Variants in SLC22A23 observed in about 807,000 individuals in gnomAD.
SLC22A23 encodes the protein ion transporter protein.
Under a neutral mutation model 61.0 loss-of-function variants are expected in SLC22A23, and 26 were observed. The ratio of observed to expected loss-of-function variants is 0.43; its 90% CI spans 0.31 to 0.59. SLC22A23 has a LOEUF of 0.59. Ranked by LOEUF, SLC22A23 falls within the 20% of genes least tolerant of loss-of-function variation. The pLI is 0.11. For missense variants in SLC22A23, 796 were observed against 934.7 expected (o/e 0.85, Z 1.94); for synonymous variants, 430 against 413.9 (o/e 1.04, Z -0.47).
chr6:3,423,160 G>A (rs1770261960), intron 1 of SLC22A23, among the ~76,000 whole-genome samples: 1 of 152,042 alleles, frequency 6.6e-6, no homozygotes, highest in Non-Finnish European at 1.5e-5. Flanking sequence ...GGCTTTCCTG[G>A]TTCTCACTGA....
chr6:3,440,430 G>A (rs1445710763), intron 1 of SLC22A23, among the ~76,000 whole-genome samples: 10 of 152,016 alleles, frequency 6.6e-5, no homozygotes, highest in Admixed American at 2.0e-4. Flanking sequence ...ATGAGTGGCC[G>A]GGTGCGGTGG....
chr6:3,432,871 T>A (rs1770958770), intron 1 of SLC22A23, among the ~76,000 whole-genome samples: 1 of 152,216 alleles, frequency 6.6e-6, no homozygotes, highest in African/African-American at 2.4e-5. Flanking sequence ...AACTCATCCC[T>A]GTTGGGAGAT....
At chr6:3,371,596 C>T (rs936840874) in intron 3 of SLC22A23, among the ~76,000 whole-genome samples, 5 of 152,166 alleles carry the variant, frequency 3.3e-5, no homozygotes, top group African/African-American at 1.2e-4. Flanking sequence ...ATTGCCTGAA[C>T]TTCCTGAACC....
intron 5 of SLC22A23, among the ~76,000 whole-genome samples, chr6:3,296,485 G>T (rs59207405): frequency 0.014 from 2,084 of 152,296 alleles, 55 homozygotes; most frequent in African/African-American, 0.047. Flanking sequence ...AATAATACAC[G>T]TGAAGCACTT....
At position 3,285,109 on chromosome 6, in the gene SLC22A23, T is replaced by C. The variant is rs1489546576; in HGVS notation, c.1549A>G (p.Ile517Val). 6.2e-7 allele frequency: 1 copy of C among 1,613,478 alleles called. No individual in the cohort carries two copies. The highest frequency in any genetic ancestry group is 2.2e-5 in the East Asian group (1 of 44,860). The change falls in exon 8 of 10, where the codon ATT (isoleucine) becomes GTT (valine). Residue 517 changes from isoleucine to valine, a missense_variant and splice_region_variant. Transcript: ENST00000406686. The stretch of plus-strand genomic sequence containing the variant: ...TCTGGGTGCTGGCTGTACTTTCCAA[T>C]CACTGGACCCGCAGACATGATCGCA... Reference protein sequence around the residue: ...SLLQLGLLNLIGKYSQHPDSG... With the variant: ...SLLQLGLLNLVGKYSQHPDSG...
At chr6:3,281,587 TAAGA>T (rs1420000377) in intron 9 of SLC22A23, among the ~76,000 whole-genome samples, 1 of 152,156 alleles carries the variant, frequency 6.6e-6, no homozygotes, top group Non-Finnish European at 1.5e-5. Context: ...AGTTCTGTGC[TAAGA>T]AAGATGGAGC....
rs758180337 is a variant in SLC22A23, at chr6:3,426,814, A to G, written c.655-10959T>C. Among the ~76,000 whole-genome samples the G allele has an allele frequency of 2.0e-5, 3 of 152,246 alleles. No individual in the cohort carries two copies. In the East Asian group the frequency reaches 5.8e-4, roughly 29 times the overall value. ...GGAGGCTGCCCTGGGCCTACTCCAC[A>G]TCCCAAAGTTACTCAACTATAGTAG... On this transcript the variant is annotated intron_variant, in intron 1 of 9. Coordinates refer to ENST00000406686, the MANE Select transcript of SLC22A23 (RefSeq NM_015482.2).
chr6:3,444,342 A>G (rs558306953), intron 1 of SLC22A23, among the ~76,000 whole-genome samples: 2 of 152,300 alleles, frequency 1.3e-5, no homozygotes, highest in African/African-American at 4.8e-5. Flanking sequence ...AGTCCATGGC[A>G]TCCCATAAAA....
At chr6:3,446,650 C>G (rs181827118) in intron 1 of SLC22A23, among the ~76,000 whole-genome samples, 83 of 152,316 alleles carry the variant, frequency 5.4e-4, no homozygotes, top group African/African-American at 1.9e-3. Context: ...TCCCCAGAAC[C>G]CCTGCGCAGG....
At chr6:3,349,773 C>T (rs557540863) in intron 3 of SLC22A23, among the ~76,000 whole-genome samples, 55 of 152,314 alleles carry the variant, frequency 3.6e-4, no homozygotes, top group African/African-American at 1.3e-3. Context: ...ATAAGCCTAA[C>T]ATGAAAGCAG....
rs528940801 is a variant in SLC22A23, at chr6:3,342,673, C to G, written c.914-18671G>C. On this transcript the variant is annotated intron_variant, in intron 3 of 9. Transcript: ENST00000406686. The surrounding 1 kb of genome is among the most constrained non-coding windows in gnomAD (Gnocchi z 4.0). ...TTGCCGTCAAATGTCAGCAAAATTG[C>G]TGGGATTTCTCATCTGCCTGAAACT... 4.6e-5 allele frequency among the ~76,000 whole-genome samples: 7 copies of G among 152,320 alleles called. No homozygotes were observed. The South Asian group carries it at 1.5e-3, about 32-fold the overall frequency.
intron 1 of SLC22A23, among the ~76,000 whole-genome samples, chr6:3,446,701 A>C (rs1448001737): frequency 6.6e-6 from 1 of 152,168 alleles, no homozygotes; most frequent in African/African-American, 2.4e-5. Context: ...TTTCCTCCAG[A>C]ACCTCTGGTC....
At position 3,427,893 on chromosome 6, in the gene SLC22A23, C is replaced by T. The variant is rs900219543; in HGVS notation, c.655-12038G>A. Reference sequence around the variant, plus strand: ...GACTGTGCAGGCTGGCTCCCGGCCCCCGCCCTCTGGTCGGGAGAGGAAGAA... The same window carrying T: ...GACTGTGCAGGCTGGCTCCCGGCCCTCGCCCTCTGGTCGGGAGAGGAAGAA... On this transcript the variant is annotated intron_variant, in intron 1 of 9. Coordinates refer to ENST00000406686, the MANE Select transcript of SLC22A23 (RefSeq NM_015482.2). This position sits in a 1 kb window ranked among gnomAD's most constrained non-coding sequence, Gnocchi z 4.3. Among the ~76,000 whole-genome samples the T allele has an allele frequency of 6.6e-6, 1 of 152,236 alleles. No homozygotes were observed. Among genetic ancestry groups the T allele is most frequent in the African/African-American group, 2.4e-5 (1 of 41,454 alleles).
chr6:3,448,685 G>A (rs1258267168), intron 1 of SLC22A23, among the ~76,000 whole-genome samples: 1 of 152,088 alleles, frequency 6.6e-6, no homozygotes, highest in African/African-American at 2.4e-5. Flanking sequence ...TAGTAGAGAC[G>A]GGGTTTCACC....
chr6:3,365,325 A>AAAACAAAC (rs746942908), intron 3 of SLC22A23, among the ~76,000 whole-genome samples: 2 of 152,172 alleles, frequency 1.3e-5, no homozygotes, highest in Non-Finnish European at 2.9e-5. Context: ...CTGTCTCGAA[A>AAAACAAAC]AAACAAACAA....
chr6:3,280,018 T>G (rs1759291161), intron 9 of SLC22A23, among the ~76,000 whole-genome samples: 1 of 152,234 alleles, frequency 6.6e-6, no homozygotes, highest in Non-Finnish European at 1.5e-5. Flanking sequence ...GAGGCGAGGC[T>G]CCTGTTCTAG....
chr6:3,420,202 C>T (rs1025594941), intron 1 of SLC22A23, among the ~76,000 whole-genome samples: 4 of 145,620 alleles, frequency 2.7e-5, no homozygotes, highest in East Asian at 2.0e-4. Flanking sequence ...ATTTCACACA[C>T]GTTAGTTGCT....
At chr6:3,284,205 G>A in intron 8 of SLC22A23, 1 of 420,978 alleles carries the variant, frequency 2.4e-6, no homozygotes, top group East Asian at 4.4e-5. Flanking sequence ...GCATGCTGAA[G>A]CTCATGGTGG....
rs1277520069 is a variant in SLC22A23 at position 3,308,774 on chromosome 6, C to G, written c.1083-10556G>C. Among the ~76,000 whole-genome samples, 2 of 151,760 alleles carry G rather than the reference C, an allele frequency of 1.3e-5. No homozygotes were observed. The highest frequency in any genetic ancestry group is 2.9e-5 in the Non-Finnish European group (2 of 67,914). Reference sequence around the variant, plus strand: ...CCTGACCAACATGGTGAAACCCCGTCTCTACTAAAAATACAGAAATTAGCC... The same window carrying G: ...CCTGACCAACATGGTGAAACCCCGTGTCTACTAAAAATACAGAAATTAGCC... On this transcript the variant is annotated intron_variant, in intron 4 of 9. Coordinates refer to ENST00000406686, the MANE Select transcript of SLC22A23 (RefSeq NM_015482.2). This position sits in a 1 kb window ranked among gnomAD's most constrained non-coding sequence, Gnocchi z 5.1.
Sources: allele counts gnomAD v4.1 joint callset (sites outside exome capture counted in the v4.1 genomes callset), GRCh38; gene constraint gnomAD v4.1.1; non-coding constraint Gnocchi (gnomAD v3.1); transcripts MANE v1.5; gene names NCBI Gene and HGNC (gene_info 2026-07-23, HGNC 2026-07-21).